The following IGFBP5 variants were observed in gnomAD, a reference collection of about 807,000 sequenced individuals.
The protein encoded by IGFBP5 is insulin like growth factor binding protein 5.
Under a neutral mutation model 28.0 loss-of-function variants are expected in IGFBP5, and 12 were observed. That is an observed-to-expected ratio of 0.43 (90% CI 0.27 to 0.69). The LOEUF (loss-of-function observed/expected upper bound fraction) is 0.69. Among genes scored for constraint, IGFBP5 ranks in the 30% least tolerant of loss-of-function variants. The pLI is 0.20. For synonymous variants in IGFBP5, 152 were observed against 150.2 expected (o/e 1.01, Z -0.09); for missense variants, 344 against 381.6 (o/e 0.90, Z 0.82).
intron 1 of IGFBP5, among the ~76,000 whole-genome samples, chr2:216,688,991 A>G (rs1455166407): frequency 2.0e-5 from 3 of 152,168 alleles, no homozygotes; most frequent in African/African-American, 2.4e-5. Flanking sequence ...ACATCTGCCT[A>G]TGAAAGAAAG....
In IGFBP5 at chr2:216,694,311, C is replaced by T. The variant is rs993878042; in HGVS notation, c.337+128G>A. ...GGCTCCAATTCCGGGGTGCAAGGAC[C>T]CTCCCCGACTACTCCCGAGCTGCAC... is the stretch of plus-strand genomic sequence containing the variant. On this transcript the variant is annotated intron_variant, in intron 1 of 3. Coordinates refer to ENST00000233813, the MANE Select transcript of IGFBP5 (RefSeq NM_000599.4). The surrounding 1 kb of genome is among the most constrained non-coding windows in gnomAD (Gnocchi z 5.2). 4.1e-6 allele frequency: 3 copies of T among 727,704 alleles called. No individual in the cohort carries two copies. The African/African-American group carries it at 5.7e-5, about 14-fold the overall frequency. The allele number at this position is 727,704 out of a possible 1,614,324, so 45.1% of individuals were successfully genotyped here.
At chr2:216,689,519 G>T (rs1018026532) in intron 1 of IGFBP5, among the ~76,000 whole-genome samples, 1 of 152,240 alleles carries the variant, frequency 6.6e-6, no homozygotes, top group Non-Finnish European at 1.5e-5. Flanking sequence ...CTTATGTCAT[G>T]GAGTGATAGC....
At chr2:216,688,430 A>T (rs888239904) in intron 1 of IGFBP5, among the ~76,000 whole-genome samples, 2 of 152,260 alleles carry the variant, frequency 1.3e-5, no homozygotes, top group African/African-American at 4.8e-5. Flanking sequence ...ATATTCAGTT[A>T]AAATGTATTA....
chr2:216,695,086 T>G lies in IGFBP5; in HGVS notation c.-311A>C. 1 of 264,860 alleles carries G rather than the reference T, an allele frequency of 3.8e-6. No homozygotes were observed. Among genetic ancestry groups the G allele is most frequent in the East Asian group, 6.3e-5 (1 of 15,750 alleles). 16.4% of individuals were successfully genotyped at this position (264,860 alleles called of 1,614,324 possible). ...CTCAAGCCTGAGCGGGTCAGAATTA[T>G]AGGGGAAAAAAAGCCACAAAATTGT... On this transcript the variant is annotated 5_prime_UTR_variant, in exon 1 of 4. Coordinates refer to ENST00000233813, the MANE Select transcript of IGFBP5 (RefSeq NM_000599.4).
intron 3 of IGFBP5, among the ~76,000 whole-genome samples, chr2:216,677,723 G>A (rs991257967): frequency 1.3e-5 from 2 of 152,184 alleles, no homozygotes; most frequent in African/African-American, 4.8e-5. Flanking sequence ...AAGAACCATT[G>A]CCCAAAGGAG....
chr2:216,687,369 T>C (rs746655755), intron 1 of IGFBP5, among the ~76,000 whole-genome samples: 5 of 152,112 alleles, frequency 3.3e-5, no homozygotes, highest in Non-Finnish European at 4.4e-5. Context: ...CCCTCCACAG[T>C]GTAGATGCCA....
At chr2:216,678,044 G>C (rs1182551128) in intron 3 of IGFBP5, 68 bp downstream of exon 3, 4 of 1,362,146 alleles carry the variant, frequency 2.9e-6, no homozygotes, top group Non-Finnish European at 3.8e-6. Context: ...ACTTGCCCAA[G>C]GTGGAGTTTC....
At chr2:216,681,914 A>C (rs1253459811) in intron 1 of IGFBP5, among the ~76,000 whole-genome samples, 1 of 152,216 alleles carries the variant, frequency 6.6e-6, no homozygotes, top group African/African-American at 2.4e-5. Context: ...ACGGTTTGAT[A>C]AACCTTGGGG....
intron 2 of IGFBP5, 81 bp from the exon 3 acceptor site, chr2:216,678,312 G>C: frequency 7.3e-7 from 1 of 1,370,934 alleles, no homozygotes; most frequent in Non-Finnish European, 9.6e-7. Flanking sequence ...CCAGGGGGTG[G>C]GGGCTGAAGG....
chr2:216,678,742 A>C (rs1398725322), intron 2 of IGFBP5, 108 bp downstream of exon 2: 2 of 870,580 alleles, frequency 2.3e-6, no homozygotes, highest in Non-Finnish European at 3.6e-6. Flanking sequence ...GGTGGGCTGT[A>C]GGTCCTCTGC....
At chr2:216,677,147 C>T (rs1688910343) in intron 3 of IGFBP5, among the ~76,000 whole-genome samples, 2 of 151,770 alleles carry the variant, frequency 1.3e-5, no homozygotes, top group Admixed American at 1.3e-4. Flanking sequence ...TTATGTTGCC[C>T]AGGTTGGTCT....
chr2:216,679,067 C>A lies in IGFBP5; in HGVS notation c.350G>T (p.Arg117Leu), dbSNP rs199848537. The A allele has an allele frequency of 1.9e-6, 3 of 1,614,116 alleles. No homozygotes were observed. The highest frequency in any genetic ancestry group is 2.2e-5 in the East Asian group (1 of 44,856). The change falls in exon 2 of 4, where the codon CGT becomes CTT. Residue 117 changes from arginine (R) to leucine (L), a missense_variant. By Grantham distance (102) the Arg-to-Leu change is moderately radical. Around this residue, in one of 3 missense-constraint regions of IGFBP5, gnomAD observed 304 missense variants for 329.2 expected, o/e 0.92. Coordinates refer to ENST00000233813, the MANE Select transcript of IGFBP5 (RefSeq NM_000599.4). This position sits in a 1 kb window ranked among gnomAD's most constrained non-coding sequence, Gnocchi z 4.6. ...AGAGGTGGTGGGCTCCTCGTGCTCA[C>A]GGGAGTCTCTCTCTGCAGGAGAAGG... is the stretch of plus-strand genomic sequence containing the variant. ...REQVKIERDS[R>L]EHEEPTTSEM...
At chr2:216,678,600 C>T (rs1317502086) in intron 2 of IGFBP5, among the ~76,000 whole-genome samples, 2 of 152,216 alleles carry the variant, frequency 1.3e-5, no homozygotes, top group Non-Finnish European at 2.9e-5. Context: ...GTACCTGGTA[C>T]GTGGCCGCTG....
In IGFBP5 at chr2:216,678,106, A is replaced by G; in HGVS notation, c.687+6T>C. 1 of 1,502,644 alleles carries G rather than the reference A, an allele frequency of 6.7e-7. No homozygotes were observed. 93.1% of individuals were successfully genotyped at this position (1,502,644 alleles called of 1,614,324 possible). On this transcript the variant is annotated splice_donor_region_variant and intron_variant, in intron 3 of 3. Transcript: ENST00000233813. ...CTGAGCCTGGAGCTCAGGGCAGGGG[A>G]CGTACCTGCTTTCTCTTGTAGAATC...
chr2:216,681,283 T>C (rs1055175061), intron 1 of IGFBP5, among the ~76,000 whole-genome samples: 4 of 152,098 alleles, frequency 2.6e-5, no homozygotes, highest in African/African-American at 4.8e-5. Flanking sequence ...AGTTGACTAC[T>C]GTAGGGGGAG....
At chr2:216,678,777 C>A (rs140198674) in intron 2 of IGFBP5, 73 bp downstream of exon 2, 23 of 1,277,248 alleles carry the variant, frequency 1.8e-5, no homozygotes, top group Non-Finnish European at 2.3e-5. Context: ...CACCTCCTGC[C>A]GCCATGAATG....
intron 1 of IGFBP5, among the ~76,000 whole-genome samples, chr2:216,688,195 G>C (rs1439441888): frequency 1.3e-5 from 2 of 152,130 alleles, no homozygotes; most frequent in African/African-American, 4.8e-5. Flanking sequence ...AGATTTTAAA[G>C]TATGTTTGGA....
chr2:216,693,070 T>C (rs906710439), intron 1 of IGFBP5, among the ~76,000 whole-genome samples: 1 of 152,156 alleles, frequency 6.6e-6, no homozygotes, highest in Admixed American at 6.5e-5. Context: ...AAACATTGTT[T>C]AGCCAAGTTT....
chr2:216,690,601 G>A (rs1410476223), intron 1 of IGFBP5, among the ~76,000 whole-genome samples: 1 of 152,018 alleles, frequency 6.6e-6, no homozygotes, highest in East Asian at 1.9e-4. Context: ...CCTAGGGTCA[G>A]GCTGGTCCAC....
Sources: gnomAD v4.1 joint callset for allele counts (sites outside exome capture counted in the v4.1 genomes callset) on GRCh38, gnomAD v4.1.1 for gene constraint, gnomAD v4.1.1 regional missense constraint, Gnocchi (gnomAD v3.1) non-coding constraint, MANE v1.5 for transcripts, NCBI Gene and HGNC (gene_info 2026-07-23, HGNC 2026-07-21) for gene names.